Variants in CAMK4 observed in about 807,000 individuals in gnomAD.
The protein encoded by CAMK4 is calcium/calmodulin-dependent protein kinase type IV.
Under a neutral mutation model 44.9 loss-of-function variants are expected in CAMK4, and 22 were observed. The observed-to-expected ratio is 0.49, with a 90% CI of 0.35 to 0.70. The LOEUF is 0.70. CAMK4 is among the 30% of genes least tolerant of loss of function. CAMK4 has a pLI of 0.01. For missense variants in CAMK4, 498 were observed against 586.8 expected (o/e 0.85, Z 1.56); for synonymous variants, 218 against 215.4 (o/e 1.01, Z -0.11).
intron 2 of CAMK4, among the ~76,000 whole-genome samples, chr5:111,351,246 T>C (rs762300636): frequency 2.6e-5 from 4 of 152,266 alleles, no homozygotes; most frequent in Middle Eastern, 3.4e-3. Context: ...TATAGAGAAC[T>C]ATGTTTGAAT....
At chr5:111,242,823 G>A (rs530209255) in intron 1 of CAMK4, among the ~76,000 whole-genome samples, 12 of 141,652 alleles carry the variant, frequency 8.5e-5, no homozygotes, top group Admixed American at 1.4e-4. Flanking sequence ...CCCAAACCGC[G>A]CCCCCTCACT....
At chr5:111,298,706 C>T (rs541041692) in intron 1 of CAMK4, among the ~76,000 whole-genome samples, 10 of 152,354 alleles carry the variant, frequency 6.6e-5, no homozygotes, top group Middle Eastern at 3.4e-3. Context: ...GAGCACACCG[C>T]TCGGGCTCTG....
At chr5:111,239,941 G>C (rs1342330818) in intron 1 of CAMK4, among the ~76,000 whole-genome samples, 3 of 152,112 alleles carry the variant, frequency 2.0e-5, no homozygotes, top group Non-Finnish European at 2.9e-5. Flanking sequence ...GGTAGTACAT[G>C]GTGCAATATT....
chr5:111,353,991 A>T (rs569912726), intron 2 of CAMK4, among the ~76,000 whole-genome samples: 28 of 152,250 alleles, frequency 1.8e-4, no homozygotes, highest in Admixed American at 1.8e-3. Flanking sequence ...TCAATATATT[A>T]AAGAGGTAGT....
At chr5:111,267,652 G>C (rs574243897) in intron 1 of CAMK4, among the ~76,000 whole-genome samples, 66 of 148,742 alleles carry the variant, frequency 4.4e-4, no homozygotes, top group Admixed American at 1.3e-3. Context: ...TGCAGTGAGC[G>C]GAGATCGTGC....
Position 111,490,576 on chromosome 5 carries a change from C to T in CAMK4, c.*6110C>T, listed in dbSNP as rs182552138. 6.6e-6 allele frequency: 1 copy of T among 152,082 alleles called. No individual in the cohort carries two copies. The highest frequency in any genetic ancestry group is 2.4e-5 in the African/African-American group (1 of 41,452). The allele number at this position is 152,082 out of a possible 1,614,324, so 9.4% of individuals were successfully genotyped here. On this transcript the variant is annotated 3_prime_UTR_variant, in exon 11 of 11. Transcript: ENST00000282356. ...TCATGCCACTGCACTCCAGCCTGGA[C>T]AACAAGAGCGAAACTCCGTCAAAAA... is the stretch of plus-strand genomic sequence containing the variant.
chr5:111,408,369 A>G (rs1277286216), intron 5 of CAMK4, among the ~76,000 whole-genome samples: 1 of 152,216 alleles, frequency 6.6e-6, no homozygotes, highest in African/African-American at 2.4e-5. Context: ...AAGCAAAGGC[A>G]TGTCTTACAT....
At chr5:111,339,119 G>T (rs889476399) in intron 1 of CAMK4, among the ~76,000 whole-genome samples, 2 of 151,104 alleles carry the variant, frequency 1.3e-5, no homozygotes, top group African/African-American at 2.4e-5. Flanking sequence ...TATATATTTT[G>T]CATATTAACC....
At chr5:111,483,782 C>T (rs1390793255) in intron 10 of CAMK4, among the ~76,000 whole-genome samples, 1 of 152,166 alleles carries the variant, frequency 6.6e-6, no homozygotes, top group Non-Finnish European at 1.5e-5. Flanking sequence ...CAGGTAAACA[C>T]ATGTATTCAG....
chr5:111,259,205 A>C (rs987299947), intron 1 of CAMK4, among the ~76,000 whole-genome samples: 1 of 152,202 alleles, frequency 6.6e-6, no homozygotes, highest in African/African-American at 2.4e-5. Context: ...GGGTAAATAC[A>C]TTTAATGTTA....
chr5:111,378,523 T>C (rs1751298862), intron 4 of CAMK4, among the ~76,000 whole-genome samples: 1 of 152,140 alleles, frequency 6.6e-6, no homozygotes, highest in African/African-American at 2.4e-5. Flanking sequence ...AAGGTCTAGC[T>C]TCATTGCAAC....
intron 7 of CAMK4, 99 bp downstream of exon 7, chr5:111,449,302 A>G: frequency 1.8e-6 from 1 of 560,020 alleles, no homozygotes; most frequent in Non-Finnish European, 3.1e-6. Context: ...TTCTATTTAT[A>G]AATGCTTAAA....
chr5:111,428,109 TC>T, intron 5 of CAMK4, among the ~76,000 whole-genome samples: 1 of 152,240 alleles, frequency 6.6e-6, no homozygotes, highest in South Asian at 2.1e-4. Flanking sequence ...CAGAGAATTC[TC>T]CCGTATTTTG....
chr5:111,340,939 G>T (rs1350034799), intron 1 of CAMK4, among the ~76,000 whole-genome samples: 1 of 150,486 alleles, frequency 6.6e-6, no homozygotes, highest in Admixed American at 6.6e-5. Context: ...ATTCAGTCTT[G>T]GTAGGTTGTA....
intron 1 of CAMK4, among the ~76,000 whole-genome samples, chr5:111,334,919 T>C (rs1180046960): frequency 1.3e-5 from 2 of 151,546 alleles, no homozygotes; most frequent in African/African-American, 4.8e-5. Context: ...AACAAGATTT[T>C]TTGATTTCAT....
In CAMK4 at chr5:111,488,881, A is replaced by G. The variant is rs1181308129; in HGVS notation, c.*4415A>G. On this transcript the variant is annotated 3_prime_UTR_variant, in exon 11 of 11. Transcript: ENST00000282356. ...ATTTGTCATTGCAAAGTATTCAGTC[A>G]TGTTGTCTAGATTTACTTTAGATGG... The G allele has an allele frequency of 6.6e-6, 1 of 152,196 alleles. No individual in the cohort carries two copies. Among genetic ancestry groups the G allele is most frequent in the East Asian group, 1.9e-4 (1 of 5,204 alleles). The allele number at this position is 152,196 out of a possible 1,614,324, so 9.4% of individuals were successfully genotyped here.
chr5:111,415,544 C>A (rs1752785361), intron 5 of CAMK4, among the ~76,000 whole-genome samples: 2 of 152,170 alleles, frequency 1.3e-5, no homozygotes, highest in Middle Eastern at 6.8e-3. Flanking sequence ...TATGTTCTAG[C>A]CACAAAATTA....
intron 2 of CAMK4, among the ~76,000 whole-genome samples, chr5:111,372,615 C>G (rs577537051): frequency 6.6e-6 from 1 of 152,184 alleles, no homozygotes; most frequent in South Asian, 2.1e-4. Context: ...CTCTGACTTC[C>G]CAGTTACATG....
intron 1 of CAMK4, among the ~76,000 whole-genome samples, chr5:111,276,384 G>A (rs556542673): frequency 5.3e-5 from 8 of 152,090 alleles, no homozygotes; most frequent in Admixed American, 3.3e-4. Flanking sequence ...GGGGCTGTTC[G>A]CCACTGTTTT....
Sources: allele counts gnomAD v4.1 joint callset (sites outside exome capture counted in the v4.1 genomes callset), GRCh38; gene constraint gnomAD v4.1.1; transcripts MANE v1.5; gene names NCBI Gene and HGNC (gene_info 2026-07-23, HGNC 2026-07-21).